STK39: variants seen among roughly 807,000 people sequenced by gnomAD.
STK39 encodes STE20/SPS1-related proline-alanine-rich protein kinase.
A neutral mutation model predicts 77.8 loss-of-function variants in STK39; 20 were observed. The ratio of observed to expected loss-of-function variants is 0.26; its 90% CI spans 0.18 to 0.37. The LOEUF (loss-of-function observed/expected upper bound fraction) is 0.37. Ranked by LOEUF, STK39 falls within the 10% of genes least tolerant of loss-of-function variation. The probability of loss-of-function intolerance (pLI) is 1.00; values close to 1 mark genes in which losing one functional copy is unlikely to be tolerated. For synonymous variants in STK39, 246 were observed against 234.1 expected, an observed-to-expected ratio of 1.05 and a Z score of -0.47; for missense variants, 479 against 656.5, an observed-to-expected ratio of 0.73 and a Z score of 2.95.
chr2:167,956,688 A>ACACACACACACT (rs1310652406), intron 17 of STK39, among the ~76,000 whole-genome samples: 1 of 46,242 alleles, frequency 2.2e-5, no homozygotes, highest in Non-Finnish European at 4.5e-5. Context: ...ACACACACAC[A>ACACACACACACT]CACACACACT....
intron 1 of STK39, among the ~76,000 whole-genome samples, chr2:168,204,933 TG>T (rs2105683152): frequency 6.6e-6 from 1 of 152,360 alleles, no homozygotes; most frequent in South Asian, 2.1e-4. Flanking sequence ...CTTTGTATAC[TG>T]GTGTAAACCA....
intron 10 of STK39, among the ~76,000 whole-genome samples, chr2:168,116,076 C>T (rs1438360784): frequency 6.6e-6 from 1 of 152,170 alleles, no homozygotes; most frequent in Admixed American, 6.5e-5. Context: ...AGAGCCAAAG[C>T]TTGGTCTTAA....
At chr2:168,099,858 A>G (rs993127200) in intron 10 of STK39, among the ~76,000 whole-genome samples, 1 of 152,188 alleles carries the variant, frequency 6.6e-6, no homozygotes, top group Admixed American at 6.5e-5. Flanking sequence ...ATTTCACTTC[A>G]TAGCAACAAT....
chr2:168,180,203 C>T (rs755547150), intron 2 of STK39, among the ~76,000 whole-genome samples: 2 of 152,032 alleles, frequency 1.3e-5, no homozygotes, highest in Non-Finnish European at 1.5e-5. Flanking sequence ...AAAAATTAGC[C>T]GGGCGTGGTG....
rs895824805 is a variant in STK39 at position 167,989,065 on chromosome 2, G to C, written c.1498+23569C>G. ...TTATTTTTCTTTCTCCATATAGATA[G>C]CCATTGGTTGGTACAGATGAAAGAT... On this transcript the variant is annotated intron_variant, in intron 16 of 17. Coordinates refer to ENST00000355999, the MANE Select transcript of STK39 (RefSeq NM_013233.3). Among the ~76,000 whole-genome samples the C allele has an allele frequency of 1.2e-4, 19 of 152,258 alleles. 2 individuals carry two copies. Among genetic ancestry groups the C allele is most frequent in the African/African-American group, 4.6e-4 (19 of 41,552 alleles).
intron 14 of STK39, among the ~76,000 whole-genome samples, chr2:168,062,095 T>TA (rs1204349332): frequency 2.0e-5 from 3 of 151,752 alleles, no homozygotes; most frequent in African/African-American, 7.3e-5. Context: ...GCAGAGACAC[T>TA]AAAAAAAAGA....
At chr2:168,189,976 C>T (rs1252803558) in intron 1 of STK39, among the ~76,000 whole-genome samples, 1 of 152,178 alleles carries the variant, frequency 6.6e-6, no homozygotes, top group Non-Finnish European at 1.5e-5. Flanking sequence ...ACCTAGCCCG[C>T]CCGAGCTATG....
intron 16 of STK39, among the ~76,000 whole-genome samples, chr2:167,986,827 G>C (rs964387733): frequency 6.6e-6 from 1 of 152,144 alleles, no homozygotes; most frequent in African/African-American, 2.4e-5. Flanking sequence ...TGTGGAGAAG[G>C]CCTCATGCAG....
chr2:168,093,102 G>C (rs1574459196), intron 10 of STK39, among the ~76,000 whole-genome samples: 1 of 152,154 alleles, frequency 6.6e-6, no homozygotes, highest in East Asian at 1.9e-4. Flanking sequence ...ATCTTTCCCA[G>C]GAAATGTTTC....
rs571429519 is a variant in STK39, at chr2:168,022,766, G to A, written c.1377-5671C>T. Among the ~76,000 whole-genome samples the A allele has an allele frequency of 4.6e-5, 7 of 152,212 alleles. No individual in the cohort carries two copies. The South Asian group carries it at 1.2e-3, about 27-fold the overall frequency. Reference sequence around the variant, plus strand: ...GGTAAACTTCAAAGTTCTTTTTAAGGATCTACTAAAAAGAGTCAAATAAAT... The same window carrying A: ...GGTAAACTTCAAAGTTCTTTTTAAGAATCTACTAAAAAGAGTCAAATAAAT... On this transcript the variant is annotated intron_variant, in intron 14 of 17. Transcript: ENST00000355999.
chr2:167,957,798 A>C lies in STK39; in HGVS notation c.1564-2228T>G, dbSNP rs79334229. ...GAACTGACTAGAAATGAGAATATTA[A>C]ATCCTTTCTTGTGAAGAGTAATGGA... On this transcript the variant is annotated intron_variant, in intron 17 of 17. Coordinates refer to ENST00000355999, the MANE Select transcript of STK39 (RefSeq NM_013233.3). Among the ~76,000 whole-genome samples the C allele has an allele frequency of 9.7e-3, 1,474 of 152,358 alleles. 23 individuals carry two copies. Among genetic ancestry groups the C allele is most frequent in the African/African-American group, 0.033 (1,373 of 41,576 alleles).
intron 12 of STK39, among the ~76,000 whole-genome samples, chr2:168,067,552 C>T (rs1163989720): frequency 1.3e-5 from 2 of 151,188 alleles, no homozygotes; most frequent in African/African-American, 4.9e-5. Flanking sequence ...AATTATATCT[C>T]TTTTTTTTTT....
chr2:168,096,873 G>C (rs1276566674), intron 10 of STK39, among the ~76,000 whole-genome samples: 1 of 151,692 alleles, frequency 6.6e-6, no homozygotes, highest in East Asian at 1.9e-4. Context: ...GAATTATACT[G>C]TTATAAATAG....
intron 16 of STK39, among the ~76,000 whole-genome samples, chr2:167,996,783 G>T (rs1683852825): frequency 6.6e-6 from 1 of 152,104 alleles, no homozygotes; most frequent in Non-Finnish European, 1.5e-5. Flanking sequence ...AAAGAAAGAG[G>T]TAAGTGTTTG....
intron 10 of STK39, among the ~76,000 whole-genome samples, chr2:168,121,276 C>T (rs1035787396): frequency 2.6e-5 from 4 of 152,182 alleles, no homozygotes; most frequent in African/African-American, 9.7e-5. Flanking sequence ...TAAAGTGTGA[C>T]AGTAACACCT....
intron 16 of STK39, among the ~76,000 whole-genome samples, chr2:168,004,310 AAC>A (rs1165507030): frequency 6.6e-6 from 1 of 152,250 alleles, no homozygotes; most frequent in Non-Finnish European, 1.5e-5. Context: ...ACAGTTTTAA[AAC>A]AGACTCCTAA....
intron 7 of STK39, among the ~76,000 whole-genome samples, chr2:168,138,495 G>A (rs1687894714): frequency 6.6e-6 from 1 of 152,220 alleles, no homozygotes; most frequent in Admixed American, 6.5e-5. Flanking sequence ...TCTGGGAACT[G>A]GCTCGTGTAC....
At position 168,108,085 on chromosome 2, in the gene STK39, GAAC is replaced by G. The variant is rs539566070; in HGVS notation, c.1089+21453_1089+21455del. Reference sequence around the variant, plus strand: ...GTATGACATTCTAAATTGTATACTGGAACAACAAGCTTTCTAAAATGTTTTCTG... The same window carrying G: ...GTATGACATTCTAAATTGTATACTGGAACAAGCTTTCTAAAATGTTTTCTG... On this transcript the variant is annotated intron_variant, in intron 10 of 17. Transcript: ENST00000355999. Among the ~76,000 whole-genome samples, 609 of 152,190 alleles carry G rather than the reference GAAC, an allele frequency of 4.0e-3. 2 individuals carry two copies. The highest frequency in any genetic ancestry group is 6.7e-3 in the Non-Finnish European group (459 of 68,014).
intron 12 of STK39, among the ~76,000 whole-genome samples, chr2:168,073,153 C>T (rs1303291046): frequency 6.6e-6 from 1 of 152,226 alleles, no homozygotes; most frequent in Non-Finnish European, 1.5e-5. Flanking sequence ...CATAGTCTTT[C>T]CCTTCCTGTC....
Sources: gnomAD v4.1 joint callset for allele counts (sites outside exome capture counted in the v4.1 genomes callset) on GRCh38, gnomAD v4.1.1 for gene constraint, MANE v1.5 for transcripts, NCBI Gene and HGNC (gene_info 2026-07-23, HGNC 2026-07-21) for gene names.